Variants in MS4A14 observed in about 807,000 individuals in gnomAD.
MS4A14 encodes membrane-spanning 4-domains subfamily A member 14.
Under a neutral mutation model 16.7 loss-of-function variants are expected in MS4A14, and 18 were observed. The observed-to-expected ratio is 1.08, with a 90% confidence interval of 0.75 to 1.60. The LOEUF (loss-of-function observed/expected upper bound fraction) is 1.60. Among genes scored for constraint, MS4A14 ranks in the 40% most tolerant of loss-of-function variants. The pLI is 0.00. For missense variants in MS4A14, 812 were observed against 775.3 expected, an observed-to-expected ratio of 1.05 and a Z score of -0.56; for synonymous variants, 305 against 289.4, an observed-to-expected ratio of 1.05 and a Z score of -0.55.
chr11:60,400,602 A>T, intron 3 of MS4A14, 148 bp downstream of exon 3: 1 of 532,484 alleles, frequency 1.9e-6, no homozygotes. Flanking sequence ...TGCCAGTGCC[A>T]CTGTTTGCCT....
In MS4A14 at chr11:60,416,037, C is replaced by A; in HGVS notation, c.1069C>A (p.Pro357Thr). ...SSNLTANDLP[P>T]QGILSQDTSS... is the part of the protein sequence containing the mutation. ...TAATCTGACAGCTAATGACCTGCCC[C>A]CTCAAGGCATACTATCCCAAGACAC... The change falls in exon 5 of 5, where the codon CCT becomes ACT. Residue 357 changes from proline (P) to threonine (T), a missense_variant. Coordinates refer to ENST00000300187, the MANE Select transcript of MS4A14 (RefSeq NM_032597.5). 6.2e-7 allele frequency: 1 copy of A among 1,613,640 alleles called. No homozygotes were observed. The highest frequency in any genetic ancestry group is 1.7e-4 in the Middle Eastern group (1 of 6,058).
At chr11:60,413,113 G>A (rs1436180955) in intron 4 of MS4A14, among the ~76,000 whole-genome samples, 1 of 151,540 alleles carries the variant, frequency 6.6e-6, no homozygotes, top group Admixed American at 6.6e-5. Context: ...TATTGTACAT[G>A]GTATTTTTAA....
rs943969903 is a variant in MS4A14, at chr11:60,405,375, G to A, written c.468+2314G>A. On this transcript the variant is annotated intron_variant, in intron 4 of 4. Transcript: ENST00000300187. ...ATTACAGGCGTGAGCCACCGCGCCCGGCCAACCTTGGACTCACTGTAACTC... is the reference window on the plus strand; with the variant it reads ...ATTACAGGCGTGAGCCACCGCGCCCAGCCAACCTTGGACTCACTGTAACTC... Among the ~76,000 whole-genome samples, 19 of 152,228 alleles carry A rather than the reference G, an allele frequency of 1.2e-4. 1 individual carries two copies. The highest frequency in any genetic ancestry group is 6.8e-3 in the Middle Eastern group (2 of 292).
At position 60,400,450 on chromosome 11, in the gene MS4A14, T is replaced by G. The variant is rs1223264579; in HGVS notation, c.314T>G (p.Leu105Arg). The G allele has an allele frequency of 6.2e-7, 1 of 1,603,256 alleles. No individual in the cohort carries two copies. The highest frequency in any genetic ancestry group is 2.2e-5 in the East Asian group (1 of 44,774). Residue 105 changes from leucine (L) to arginine (R), a missense_variant, in exon 3 of 5, where the codon CTT becomes CGT. Coordinates refer to ENST00000300187, the MANE Select transcript of MS4A14 (RefSeq NM_032597.5). ...ACAGTAACCGATAAGAAATCAAAACTTCTGGTAAGCCACTTAAACTACATA... is the reference window on the plus strand; with the variant it reads ...ACAGTAACCGATAAGAAATCAAAACGTCTGGTAAGCCACTTAAACTACATA... ...YLTVTDKKSK[L>R]LGQGVTGMNV...
chr11:60,415,298 G>A, intron 4 of MS4A14, 139 bp from the exon 5 acceptor site: 1 of 795,828 alleles, frequency 1.3e-6, no homozygotes, highest in Non-Finnish European at 1.9e-6. Context: ...GGCAGGACTG[G>A]CATTCGTTTT....
At chr11:60,399,707 C>T (rs1163070958) in intron 2 of MS4A14, among the ~76,000 whole-genome samples, 1 of 152,116 alleles carries the variant, frequency 6.6e-6, no homozygotes, top group East Asian at 1.9e-4. Flanking sequence ...AGATGGAGAG[C>T]CTTGAGAGTG....
At position 60,402,839 on chromosome 11, in the gene MS4A14, A is replaced by G. The variant is rs956162457; in HGVS notation, c.319-73A>G. ...AAGTATCTGGAAAGATAAAAGCACT[A>G]AAAATTTCTTACAAGATATTTTTGC... On this transcript the variant is annotated intron_variant, in intron 3 of 4. Coordinates refer to ENST00000300187, the MANE Select transcript of MS4A14 (RefSeq NM_032597.5). 9.4e-6 allele frequency: 14 copies of G among 1,486,390 alleles called. No individual in the cohort carries two copies. In the East Asian group the frequency reaches 1.6e-4, roughly 17 times the overall value. 92.1% of individuals were successfully genotyped at this position (1,486,390 alleles called of 1,614,324 possible).
At chr11:60,410,191 G>T (rs1193994912) in intron 4 of MS4A14, among the ~76,000 whole-genome samples, 12 of 152,078 alleles carry the variant, frequency 7.9e-5, no homozygotes, top group Admixed American at 7.9e-4. Flanking sequence ...GGTGTGAAGT[G>T]GTATCTCATA....
chr11:60,403,282 G>A, intron 4 of MS4A14: 1 of 520,146 alleles, frequency 1.9e-6, no homozygotes, highest in Non-Finnish European at 3.5e-6. Flanking sequence ...GCCTAATATT[G>A]TATTCTCTCT....
chr11:60,415,316 C>T, intron 4 of MS4A14, 121 bp from the exon 5 acceptor site: 1 of 1,060,002 alleles, frequency 9.4e-7, no homozygotes, highest in Non-Finnish European at 1.3e-6. Context: ...TTTCTGCCTT[C>T]TCATTTAGAT....
At chr11:60,396,802 T>C in intron 1 of MS4A14, 86 bp downstream of exon 1, 6 of 1,362,780 alleles carry the variant, frequency 4.4e-6, no homozygotes, top group Non-Finnish European at 5.9e-6. Context: ...TATGCAGAGA[T>C]TATTTTCAGG....
At chr11:60,407,281 A>G (rs1320912530) in intron 4 of MS4A14, among the ~76,000 whole-genome samples, 2 of 152,142 alleles carry the variant, frequency 1.3e-5, no homozygotes, top group Admixed American at 1.3e-4. Context: ...ATGACCTTCC[A>G]AAGTTCTGGG....
At chr11:60,398,990 A>G (rs1263486217) in intron 2 of MS4A14, among the ~76,000 whole-genome samples, 1 of 152,208 alleles carries the variant, frequency 6.6e-6, no homozygotes, top group African/African-American at 2.4e-5. Flanking sequence ...AGATTCTGGC[A>G]TGCTGCTTTT....
At position 60,417,019 on chromosome 11, in the gene MS4A14, G is replaced by A; in HGVS notation, c.*11G>A. The A allele has an allele frequency of 6.3e-7, 1 of 1,597,152 alleles. No individual in the cohort carries two copies. Among genetic ancestry groups the A allele is most frequent in the Non-Finnish European group, 8.5e-7 (1 of 1,172,626 alleles). On this transcript the variant is annotated 3_prime_UTR_variant, in exon 5 of 5. Coordinates refer to ENST00000300187, the MANE Select transcript of MS4A14 (RefSeq NM_032597.5). Reference sequence around the variant, plus strand: ...CCCCTGACTGGATAACTCAGGGCTGGAGAAACAAAGATTATAAAGCACGAG... The same window carrying A: ...CCCCTGACTGGATAACTCAGGGCTGAAGAAACAAAGATTATAAAGCACGAG...
At chr11:60,403,924 T>C (rs1346013200) in intron 4 of MS4A14, among the ~76,000 whole-genome samples, 1 of 152,200 alleles carries the variant, frequency 6.6e-6, no homozygotes, top group Non-Finnish European at 1.5e-5. Context: ...AATTTAATCC[T>C]CACAATCACT....
chr11:60,403,509 C>A (rs1028109959), intron 4 of MS4A14, among the ~76,000 whole-genome samples: 1 of 151,970 alleles, frequency 6.6e-6, no homozygotes, highest in Admixed American at 6.6e-5. Context: ...ACACTGAGAT[C>A]AAAATACAGT....
chr11:60,407,786 T>C (rs915588255), intron 4 of MS4A14, among the ~76,000 whole-genome samples: 1 of 152,006 alleles, frequency 6.6e-6, no homozygotes, highest in African/African-American at 2.4e-5. Context: ...TTATTGGCCT[T>C]ATAGCAGCCT....
intron 2 of MS4A14, among the ~76,000 whole-genome samples, chr11:60,399,367 C>A (rs1472588039): frequency 6.6e-6 from 1 of 152,102 alleles, no homozygotes; most frequent in Non-Finnish European, 1.5e-5. Flanking sequence ...GAGCCAAGGG[C>A]TTGATGTGGG....
chr11:60,402,864 C>G, intron 3 of MS4A14, 48 bp from the exon 4 acceptor site: 1 of 1,576,798 alleles, frequency 6.3e-7, no homozygotes, highest in Non-Finnish European at 8.6e-7. Context: ...GATATTTTTG[C>G]TTTGGTTTCG....
Sources: allele counts gnomAD v4.1 joint callset (sites outside exome capture counted in the v4.1 genomes callset), GRCh38; gene constraint gnomAD v4.1.1; transcripts MANE v1.5; gene names NCBI Gene and HGNC (gene_info 2026-07-23, HGNC 2026-07-21).